FKBP6: variants seen among roughly 807,000 people sequenced by gnomAD.
The protein encoded by FKBP6 is FKBP prolyl isomerase family member 6 (inactive), also known as inactive peptidyl-prolyl cis-trans isomerase FKBP6.
FKBP6 carries 29 observed loss-of-function variants against 41.7 expected under a neutral mutation model. That is an observed-to-expected ratio of 0.70 (90% confidence interval 0.52 to 0.95). The LOEUF (loss-of-function observed/expected upper bound fraction) is 0.95, where lower values mean the gene tolerates loss of function less well. Among genes scored for constraint, FKBP6 ranks in the 40% least tolerant of loss-of-function variants. The pLI, the probability that FKBP6 is intolerant of heterozygous loss-of-function variation, is 0.00. For missense variants in FKBP6, 338 were observed against 408.7 expected (o/e 0.83, Z 1.49); for synonymous variants, 130 against 165.1 (o/e 0.79, Z 1.63).
At chr7:73,352,007 T>C (rs976116567) in intron 8 of FKBP6, among the ~76,000 whole-genome samples, 5 of 152,158 alleles carry the variant, frequency 3.3e-5, no homozygotes, top group African/African-American at 1.2e-4. Context: ...AGGTCTCCTA[T>C]GTTACTCAGG....
At chr7:73,335,008 T>A (rs963087848) in intron 5 of FKBP6, among the ~76,000 whole-genome samples, 6 of 152,054 alleles carry the variant, frequency 3.9e-5, no homozygotes, top group Non-Finnish European at 7.4e-5. Context: ...ACAGCTCTGT[T>A]AAGGAAGGTC....
chr7:73,357,416 C>T (rs1200948439), intron 8 of FKBP6, among the ~76,000 whole-genome samples: 32 of 151,604 alleles, frequency 2.1e-4, no homozygotes, highest in African/African-American at 6.1e-4. Context: ...CCAGCCACCA[C>T]GCCTGGCTAA....
At position 73,329,896 on chromosome 7, in the gene FKBP6, T is replaced by C. The variant is rs770782045; in HGVS notation, c.266-254T>C. 743 of 575,634 alleles carry C rather than the reference T, an allele frequency of 1.3e-3. 1 individual carries two copies. Among genetic ancestry groups the C allele is most frequent in the Non-Finnish European group, 1.6e-3 (502 of 322,620 alleles). The allele number at this position is 575,634 out of a possible 1,614,324, so 35.7% of individuals were successfully genotyped here. On this transcript the variant is annotated intron_variant, in intron 3 of 8. Transcript: ENST00000252037. ...GTTGTGGGTGTGCTTAATGAAGGCA[T>C]GATTAATTCTAGCTGGGAGGTTCAG...
At chr7:73,355,668 A>T (rs1471117883) in intron 8 of FKBP6, among the ~76,000 whole-genome samples, 4 of 151,978 alleles carry the variant, frequency 2.6e-5, no homozygotes, top group Non-Finnish European at 4.4e-5. Context: ...TGATAACATG[A>T]TCACTACCCA....
intron 5 of FKBP6, among the ~76,000 whole-genome samples, chr7:73,335,346 A>G (rs1554548404): frequency 6.6e-6 from 1 of 152,146 alleles, no homozygotes; most frequent in African/African-American, 2.4e-5. Context: ...CACACATTAG[A>G]GTATGTAGGT....
chr7:73,343,341 C>A (rs1331097305), intron 8 of FKBP6, among the ~76,000 whole-genome samples: 1 of 152,064 alleles, frequency 6.6e-6, no homozygotes, highest in Non-Finnish European at 1.5e-5. Flanking sequence ...TTTTAAAAAA[C>A]CTTTTTTTTT....
Position 73,342,889 on chromosome 7 carries a change from G to T in FKBP6, c.976G>T (p.Glu326Ter). The change falls in exon 8 of 9, where the codon GAA becomes TAA. Residue 326 changes from glutamate to a stop codon, truncating the protein, a stop_gained. Transcript: ENST00000252037. LOFTEE classifies it high-confidence loss of function. ...CTGTGGCGATGGTTCTACAGCAGGA[G>T]AAAGTTGAAGGTAATCAAAGGGCCA... ...APCGDGSTAGES is the reference protein window; with the variant it reads ...APCGDGSTAG The T allele has an allele frequency of 6.2e-7, 1 of 1,612,644 alleles. No individual in the cohort carries two copies. Among genetic ancestry groups the T allele is most frequent in the South Asian group, 1.1e-5 (1 of 91,064 alleles).
At chr7:73,338,433 T>G (rs146593787) in intron 5 of FKBP6, among the ~76,000 whole-genome samples, 1 of 152,268 alleles carries the variant, frequency 6.6e-6, no homozygotes, top group South Asian at 2.1e-4. Context: ...TTATGACTGA[T>G]GCAGTGAGCG....
At chr7:73,331,345 T>C (rs577035865) in intron 4 of FKBP6, among the ~76,000 whole-genome samples, 13 of 152,346 alleles carry the variant, frequency 8.5e-5, no homozygotes, top group African/African-American at 3.1e-4. Context: ...AGGGGAAGAC[T>C]GAAGACGTAG....
At chr7:73,353,286 G>A (rs1805539939) in intron 8 of FKBP6, among the ~76,000 whole-genome samples, 1 of 152,262 alleles carries the variant, frequency 6.6e-6, no homozygotes, top group African/African-American at 2.4e-5. Context: ...CTTCTGCCAT[G>A]TATGGTAATG....
chr7:73,331,758 C>T lies in FKBP6; in HGVS notation c.570C>T (p.Ala190=), dbSNP rs782693683. The change falls in exon 5 of 9, where the codon GCC becomes GCT. Residue 190 remains alanine, a synonymous_variant. Coordinates refer to ENST00000252037, the MANE Select transcript of FKBP6 (RefSeq NM_003602.5). ...YLFRQNRFYD[A]KVRYKRALLL... ...TCCGCCAGAATCGTTTCTATGATGC[C>T]AAAGTGAGATATAAAAGGGTGAGAA... 81 of 1,613,636 alleles carry T rather than the reference C, an allele frequency of 5.0e-5. No individual in the cohort carries two copies. Among genetic ancestry groups the T allele is most frequent in the Non-Finnish European group, 6.6e-5 (78 of 1,179,710 alleles).
At chr7:73,341,469 C>A in intron 7 of FKBP6, 87 bp downstream of exon 7, 1 of 903,084 alleles carries the variant, frequency 1.1e-6, no homozygotes, top group South Asian at 1.3e-5. Context: ...AAAGGACAGT[C>A]TGGCGGTGTT....
In FKBP6 at chr7:73,348,303, C is replaced by G. The variant is rs180780714; in HGVS notation, c.*2+5404C>G. On this transcript the variant is annotated intron_variant, in intron 8 of 8. Coordinates refer to ENST00000252037, the MANE Select transcript of FKBP6 (RefSeq NM_003602.5). ...TTTTCATAATGCCACACCTTTCCCC[C>G]CCTTCTTTGAAAAATCTCAAAGTTA... is the stretch of plus-strand genomic sequence containing the variant. 3.9e-5 allele frequency among the ~76,000 whole-genome samples: 6 copies of G among 152,290 alleles called. No individual in the cohort carries two copies. The East Asian group carries it at 1.2e-3, about 29-fold the overall frequency.
intron 2 of FKBP6, 122 bp from the exon 3 acceptor site, chr7:73,329,238 G>A (rs1393935152): frequency 8.9e-6 from 7 of 784,404 alleles, no homozygotes; most frequent in Middle Eastern, 4.7e-4. Context: ...CCTGTACCTC[G>A]GGGTGTCGGG....
chr7:73,353,749 TTTG>T (rs1805554455), intron 8 of FKBP6, among the ~76,000 whole-genome samples: 1 of 152,082 alleles, frequency 6.6e-6, no homozygotes, highest in Non-Finnish European at 1.5e-5. Context: ...TTTTTTTTTT[TTTG>T]AGGCAAAGTC....
chr7:73,358,279 G>A lies in FKBP6; in HGVS notation c.*101G>A, dbSNP rs1805692301. 1 of 152,204 alleles carries A rather than the reference G, an allele frequency of 6.6e-6. No individual in the cohort carries two copies. The highest frequency in any genetic ancestry group is 6.5e-5 in the Admixed American group (1 of 15,276). The allele number at this position is 152,204 out of a possible 1,614,324, so 9.4% of individuals were successfully genotyped here. A position where few individuals can be genotyped will look rare whatever the true frequency, so the allele number is the denominator to read the frequency against. The stretch of plus-strand genomic sequence containing the variant: ...CAGCCGTGGCAGCCACCTTCCAGGA[G>A]CAGGGGCTGGAATGTCCTGTGGCCG... On this transcript the variant is annotated 3_prime_UTR_variant, in exon 9 of 9. Coordinates refer to ENST00000252037, the MANE Select transcript of FKBP6 (RefSeq NM_003602.5).
At chr7:73,338,521 TG>T (rs1222107790) in intron 5 of FKBP6, among the ~76,000 whole-genome samples, 3 of 152,238 alleles carry the variant, frequency 2.0e-5, no homozygotes, top group Non-Finnish European at 4.4e-5. Context: ...CTGGATTGTG[TG>T]GGAACTGTCA....
rs199623484 is a variant in FKBP6 at position 73,341,254 on chromosome 7, A to G, written c.784-19A>G. ...ATATCTTTTCTAACTGTGCTTTTAA[A>G]GTTCTCTCCTTGGGACAGGCTTGTC... On this transcript the variant is annotated intron_variant, in intron 6 of 8. Coordinates refer to ENST00000252037, the MANE Select transcript of FKBP6 (RefSeq NM_003602.5). 6.6e-7 allele frequency: 1 copy of G among 1,524,998 alleles called. No individual in the cohort carries two copies. The highest frequency in any genetic ancestry group is 1.4e-5 in the African/African-American group (1 of 73,244). 94.5% of individuals were successfully genotyped at this position (1,524,998 alleles called of 1,614,324 possible). A position where few individuals can be genotyped will look rare whatever the true frequency, so the allele number is the denominator to read the frequency against.
intron 5 of FKBP6, among the ~76,000 whole-genome samples, chr7:73,335,065 C>T (rs920073460): frequency 6.6e-6 from 1 of 150,844 alleles, no homozygotes; most frequent in Non-Finnish European, 1.5e-5. Context: ...AGAACCTGTT[C>T]TCCAGGCTTT....
Sources: gnomAD v4.1 joint callset for allele counts (sites outside exome capture counted in the v4.1 genomes callset) on GRCh38, gnomAD v4.1.1 for gene constraint, MANE v1.5 for transcripts, NCBI Gene and HGNC (gene_info 2026-07-23, HGNC 2026-07-21) for gene names.